DLGAP2: variants seen among roughly 807,000 people sequenced by gnomAD.
DLGAP2 encodes the protein disks large-associated protein 2.
A neutral mutation model predicts 100.3 loss-of-function variants in DLGAP2; 26 were observed. The observed-to-expected ratio is 0.26, with a 90% CI of 0.19 to 0.36. The LOEUF is 0.36. DLGAP2 is among the 10% of genes least tolerant of loss of function. DLGAP2 has a pLI of 1.00. For synonymous variants in DLGAP2, 886 were observed against 630.1 expected, an observed-to-expected ratio of 1.41 and a Z score of -6.08; for missense variants, 1,858 against 1,453.2, an observed-to-expected ratio of 1.28 and a Z score of -4.53.
chr8:1,641,880 G>C lies in DLGAP2; in HGVS notation c.1810+8834G>C, dbSNP rs988681591. Among the ~76,000 whole-genome samples, 44 of 128,628 alleles carry C rather than the reference G, an allele frequency of 3.4e-4. 1 individual carries two copies. Among genetic ancestry groups the C allele is most frequent in the East Asian group, 3.1e-3 (15 of 4,812 alleles). The allele number at this position is 128,628 out of a possible 152,430, so 84.4% of individuals were successfully genotyped here. On this transcript the variant is annotated intron_variant, in intron 8 of 14. Transcript: ENST00000637795. ...TCTGCCTCCCATACCCCTCGAACCC[G>C]CCGGTCCTCACCTGTGTCACCCTCG...
At chr8:1,544,205 C>G (rs1490940348) in intron 4 of DLGAP2, among the ~76,000 whole-genome samples, 1 of 152,146 alleles carries the variant, frequency 6.6e-6, no homozygotes, top group Non-Finnish European at 1.5e-5. Flanking sequence ...GTCTGGCCCT[C>G]TTTTACCTCC....
At chr8:1,145,752 A>C (rs1381678529) in intron 2 of DLGAP2, among the ~76,000 whole-genome samples, 1 of 137,708 alleles carries the variant, frequency 7.3e-6, no homozygotes, top group African/African-American at 2.8e-5. Flanking sequence ...TCCTAATGCT[A>C]TCCCTCCCCC....
intron 10 of DLGAP2, among the ~76,000 whole-genome samples, chr8:1,675,902 C>A (rs1382777426): frequency 6.6e-6 from 1 of 151,788 alleles, no homozygotes; most frequent in East Asian, 1.9e-4. Flanking sequence ...ATGATCATTG[C>A]AAGGCTTGTT....
At chr8:1,104,840 T>C (rs1259429632) in intron 2 of DLGAP2, 1 of 152,212 alleles carries the variant, frequency 6.6e-6, no homozygotes, top group Non-Finnish European at 1.5e-5. Flanking sequence ...GTTGCATCCC[T>C]CACCAGAGAG....
At chr8:1,432,715 C>T (rs1206917195) in intron 3 of DLGAP2, among the ~76,000 whole-genome samples, 1 of 152,216 alleles carries the variant, frequency 6.6e-6, no homozygotes, top group Non-Finnish European at 1.5e-5. Flanking sequence ...GTGAATTTGG[C>T]TGGTGAGATG....
chr8:1,189,724 C>G (rs907565845), intron 2 of DLGAP2, among the ~76,000 whole-genome samples: 5 of 152,022 alleles, frequency 3.3e-5, no homozygotes, highest in African/African-American at 1.2e-4. Flanking sequence ...GAAGCGAGCT[C>G]GAGTTATCCA....
At chr8:1,644,425 C>G (rs1248178193) in intron 8 of DLGAP2, among the ~76,000 whole-genome samples, 1 of 152,248 alleles carries the variant, frequency 6.6e-6, no homozygotes, top group Non-Finnish European at 1.5e-5. Flanking sequence ...CTGAAATTCT[C>G]GCACCTCCAT....
intron 7 of DLGAP2, among the ~76,000 whole-genome samples, chr8:1,631,066 G>T (rs1390975874): frequency 6.6e-6 from 1 of 151,926 alleles, no homozygotes; most frequent in East Asian, 2.0e-4. Flanking sequence ...GGGTCTGGGC[G>T]GGAGGTCCGG....
At chr8:980,793 G>A (rs554759394) in intron 2 of DLGAP2, among the ~76,000 whole-genome samples, 4 of 152,242 alleles carry the variant, frequency 2.6e-5, no homozygotes, top group East Asian at 3.9e-4. Flanking sequence ...GCAGCTGAGC[G>A]TTTGGATGAC....
At chr8:870,913 G>T (rs905861511) in intron 1 of DLGAP2, among the ~76,000 whole-genome samples, 2 of 152,172 alleles carry the variant, frequency 1.3e-5, no homozygotes, top group African/African-American at 4.8e-5. Context: ...GCAGGTCTCT[G>T]TGACCATCCT....
chr8:1,175,213 G>A (rs1474589446), intron 2 of DLGAP2, among the ~76,000 whole-genome samples: 1 of 151,880 alleles, frequency 6.6e-6, no homozygotes, highest in Non-Finnish European at 1.5e-5. Flanking sequence ...AACCCGCAGT[G>A]AGCACAGAAA....
intron 3 of DLGAP2, among the ~76,000 whole-genome samples, chr8:1,293,905 C>T (rs1382931640): frequency 1.3e-5 from 2 of 152,078 alleles, no homozygotes; most frequent in Non-Finnish European, 2.9e-5. Context: ...GTGCTGAGGT[C>T]CTAAAGCTGA....
chr8:1,324,244 C>G (rs1291854320), intron 3 of DLGAP2, among the ~76,000 whole-genome samples: 1 of 152,194 alleles, frequency 6.6e-6, no homozygotes, highest in Non-Finnish European at 1.5e-5. Context: ...CCCATAAGAA[C>G]AGAATGGTGT....
chr8:1,552,610 C>A (rs781016720), intron 5 of DLGAP2, among the ~76,000 whole-genome samples: 6 of 152,162 alleles, frequency 3.9e-5, no homozygotes, highest in Non-Finnish European at 5.9e-5. Context: ...CCTCACAACC[C>A]CAGATTTTAT....
rs1032265065 is a variant in DLGAP2, at chr8:1,018,464, T to G, written c.73+110498T>G. On this transcript the variant is annotated intron_variant, in intron 2 of 14. Coordinates refer to ENST00000637795, the MANE Select transcript of DLGAP2 (RefSeq NM_001346810.2). ...CTCTTGGCTGCCCTATGAATGGCAG[T>G]CACTGCCAGGCTCAGCCAGGCCTGC... Among the ~76,000 whole-genome samples, 4 of 152,226 alleles carry G rather than the reference T, an allele frequency of 2.6e-5. No homozygotes were observed. The South Asian group carries it at 6.2e-4, about 24-fold the overall frequency.
chr8:801,493 A>C (rs1796151046), intron 1 of DLGAP2, among the ~76,000 whole-genome samples: 2 of 152,208 alleles, frequency 1.3e-5, no homozygotes, highest in Non-Finnish European at 2.9e-5. Context: ...CATGTGCGTT[A>C]ATGAAGTTAA....
At chr8:1,638,789 G>C (rs1797829566) in intron 8 of DLGAP2, among the ~76,000 whole-genome samples, 1 of 152,210 alleles carries the variant, frequency 6.6e-6, no homozygotes, top group African/African-American at 2.4e-5. Context: ...GTCTCCCGGG[G>C]AGTCCAGGAG....
chr8:1,379,961 G>A (rs1796054401), intron 3 of DLGAP2, among the ~76,000 whole-genome samples: 1 of 151,048 alleles, frequency 6.6e-6, no homozygotes, highest in Admixed American at 6.6e-5. Flanking sequence ...GCTCGGTGGG[G>A]GCCTGCTCTT....
chr8:1,250,098 C>G (rs1799004542), intron 2 of DLGAP2, among the ~76,000 whole-genome samples: 1 of 152,180 alleles, frequency 6.6e-6, no homozygotes, highest in Non-Finnish European at 1.5e-5. Flanking sequence ...TCAGGCTGGT[C>G]TCGATCTCCT....
Sources: allele counts gnomAD v4.1 joint callset (sites outside exome capture counted in the v4.1 genomes callset), GRCh38; gene constraint gnomAD v4.1.1; transcripts MANE v1.5; gene names NCBI Gene and HGNC (gene_info 2026-07-23, HGNC 2026-07-21).